TMEM71: variants seen among roughly 807,000 people sequenced by gnomAD.
TMEM71 encodes the protein transmembrane protein 71.
A neutral mutation model predicts 38.0 loss-of-function variants in TMEM71; 44 were observed. The observed-to-expected ratio is 1.16, with a 90% CI of 0.91 to 1.49. TMEM71 has a LOEUF of 1.49. Among genes scored for constraint, TMEM71 ranks in the 40% most tolerant of loss-of-function variants. The pLI is 0.00. For synonymous variants in TMEM71, 133 were observed against 122.5 expected, an observed-to-expected ratio of 1.09 and a Z score of -0.56; for missense variants, 367 against 348.6, an observed-to-expected ratio of 1.05 and a Z score of -0.42.
upstream of TMEM71, among the ~76,000 whole-genome samples, chr8:132,763,175 C>T (rs1377473929): frequency 6.6e-6 from 1 of 152,174 alleles, no homozygotes; most frequent in South Asian, 2.1e-4. Context: ...CCACACCACT[C>T]CCTAGTCTCT....
chr8:132,775,171 C>T, the TMEM71 span, among the ~76,000 whole-genome samples: 3 of 152,236 alleles, frequency 2.0e-5, no homozygotes, highest in African/African-American at 7.2e-5. Flanking sequence ...AAATACTTCA[C>T]AACTACCAAT....
intron 5 of TMEM71, among the ~76,000 whole-genome samples, chr8:132,742,787 A>G (rs1468080452): frequency 6.6e-6 from 1 of 152,224 alleles, no homozygotes; most frequent in Non-Finnish European, 1.5e-5. Context: ...AGTGACATGT[A>G]TTAGTCCGTT....
chr8:132,715,574 C>T (rs948928884), intron 7 of TMEM71, among the ~76,000 whole-genome samples: 5 of 151,944 alleles, frequency 3.3e-5, no homozygotes, highest in African/African-American at 1.2e-4. Flanking sequence ...ACAGTTGCAC[C>T]CCTTGGTATT....
chr8:132,709,620 A>G (rs1346195619), downstream of TMEM71, among the ~76,000 whole-genome samples: 1 of 152,124 alleles, frequency 6.6e-6, no homozygotes, highest in Non-Finnish European at 1.5e-5. Flanking sequence ...GATGGAAGTA[A>G]GAAATCAGAG....
At chr8:132,714,624 G>A (rs1278706678) in intron 7 of TMEM71, among the ~76,000 whole-genome samples, 1 of 152,080 alleles carries the variant, frequency 6.6e-6, no homozygotes, top group Non-Finnish European at 1.5e-5. Context: ...AAAACATGGG[G>A]GAATATCAAT....
chr8:132,744,204 T>G (rs1484919799), intron 5 of TMEM71, among the ~76,000 whole-genome samples: 1 of 152,146 alleles, frequency 6.6e-6, no homozygotes, highest in East Asian at 1.9e-4. Flanking sequence ...ATGGTAAGTG[T>G]CCAATAAATA....
intron 2 of TMEM71, chr8:132,758,015 G>T (rs897321045): frequency 1.3e-5 from 2 of 152,102 alleles, no homozygotes; most frequent in Non-Finnish European, 2.9e-5. Context: ...CATTGTTCTA[G>T]ACTCTCCCTC....
chr8:132,754,722 T>C (rs1464650220), intron 3 of TMEM71, among the ~76,000 whole-genome samples: 2 of 152,220 alleles, frequency 1.3e-5, no homozygotes, highest in East Asian at 3.8e-4. Context: ...GGGATTCTGA[T>C]TATGTTACAC....
At chr8:132,748,043 T>C (rs542211749) in intron 4 of TMEM71, among the ~76,000 whole-genome samples, 27 of 152,322 alleles carry the variant, frequency 1.8e-4, no homozygotes, top group Non-Finnish European at 2.8e-4. Flanking sequence ...CTGCCTGTGA[T>C]GTGTCAAGCC....
At chr8:132,736,271 G>A (rs1166887360) in intron 5 of TMEM71, among the ~76,000 whole-genome samples, 1 of 152,092 alleles carries the variant, frequency 6.6e-6, no homozygotes, top group Admixed American at 6.6e-5. Flanking sequence ...TTGCCTTGTT[G>A]CTCCAGAAAA....
At chr8:132,723,813 G>A (rs10104852) in intron 6 of TMEM71, among the ~76,000 whole-genome samples, 1 of 151,866 alleles carries the variant, frequency 6.6e-6, no homozygotes, top group Non-Finnish European at 1.5e-5. Context: ...CAAGCTTTTC[G>A]GAGTTTCACA....
At chr8:132,765,578 C>T (rs931421926), upstream of TMEM71, among the ~76,000 whole-genome samples, 1 of 152,094 alleles carries the variant, frequency 6.6e-6, no homozygotes, top group Non-Finnish European at 1.5e-5. Context: ...TGCTTCTTGT[C>T]CATCTTTTGA....
At chr8:132,737,056 C>T (rs1026490445) in intron 5 of TMEM71, among the ~76,000 whole-genome samples, 4 of 152,018 alleles carry the variant, frequency 2.6e-5, no homozygotes, top group Non-Finnish European at 4.4e-5. Context: ...GGCAAATCCA[C>T]GGAGACTGAA....
chr8:132,735,164 C>T (rs1483826712), intron 5 of TMEM71, among the ~76,000 whole-genome samples: 11 of 152,228 alleles, frequency 7.2e-5, no homozygotes, highest in South Asian at 2.1e-4. Context: ...GAACACATCC[C>T]GAATTGCAGT....
At chr8:132,765,774 TTAC>T in the TMEM71 span, among the ~76,000 whole-genome samples, 1 of 148,508 alleles carries the variant, frequency 6.7e-6, no homozygotes, top group Non-Finnish European at 1.5e-5. Context: ...ATTATTATTA[TTAC>T]TATTATTATT....
intron 9 of TMEM71, among the ~76,000 whole-genome samples, chr8:132,711,283 A>G (rs983068226): frequency 1.3e-5 from 2 of 152,112 alleles, no homozygotes; most frequent in Admixed American, 6.5e-5. Flanking sequence ...TCCTCTTCCC[A>G]CCTGCCCTTA....
At chr8:132,728,424 G>A (rs1040729342) in intron 5 of TMEM71, among the ~76,000 whole-genome samples, 2 of 152,156 alleles carry the variant, frequency 1.3e-5, no homozygotes, top group African/African-American at 2.4e-5. Context: ...AACAGCATGA[G>A]AAAGACCCAT....
At chr8:132,740,629 T>C (rs542526851) in intron 5 of TMEM71, among the ~76,000 whole-genome samples, 1 of 152,252 alleles carries the variant, frequency 6.6e-6, no homozygotes, top group East Asian at 1.9e-4. Context: ...GCCACAGATG[T>C]GTGGAAGAGC....
At chr8:132,722,019 T>C (rs372107015) in intron 7 of TMEM71, 21 bp downstream of exon 7, 10 of 1,603,416 alleles carry the variant, frequency 6.2e-6, no homozygotes, top group Non-Finnish European at 8.5e-6. Context: ...TACCGCTGCA[T>C]GAAAATAAAA....
Sources: allele counts gnomAD v4.1 joint callset (sites outside exome capture counted in the v4.1 genomes callset), GRCh38; gene constraint gnomAD v4.1.1; transcripts MANE v1.5; gene names NCBI Gene and HGNC (gene_info 2026-07-23, HGNC 2026-07-21).